Variants in CNTN5 observed in about 807,000 individuals in gnomAD.
CNTN5 encodes contactin-5.
A neutral mutation model predicts 129.1 loss-of-function variants in CNTN5; 77 were observed. The ratio of observed to expected loss-of-function variants is 0.60; its 90% CI spans 0.50 to 0.72. The LOEUF (loss-of-function observed/expected upper bound fraction) is 0.72. Among genes scored for constraint, CNTN5 ranks in the 30% least tolerant of loss-of-function variants. CNTN5 has a pLI of 0.00. For synonymous variants in CNTN5, 509 were observed against 465.6 expected, an observed-to-expected ratio of 1.09 and a Z score of -1.20; for missense variants, 1,478 against 1,328.8, an observed-to-expected ratio of 1.11 and a Z score of -1.75.
In CNTN5 at chr11:99,889,061, TC is replaced by T. The variant is rs760314744; in HGVS notation, c.578-26991del. ...TCATCATAATCATGATTAACTGACATCCGTAGAATTTTACAAGTATAGAGAG... is the reference window on the plus strand; with the variant it reads ...TCATCATAATCATGATTAACTGACATCGTAGAATTTTACAAGTATAGAGAG... On this transcript the variant is annotated intron_variant, in intron 6 of 24. Transcript: ENST00000524871. Among the ~76,000 whole-genome samples the T allele has an allele frequency of 2.6e-5, 4 of 152,210 alleles. No homozygotes were observed. The East Asian group carries it at 5.8e-4, about 22-fold the overall frequency.
At chr11:100,295,905 G>C (rs1049206351) in intron 18 of CNTN5, among the ~76,000 whole-genome samples, 14 of 151,262 alleles carry the variant, frequency 9.3e-5, no homozygotes, top group African/African-American at 3.4e-4. Flanking sequence ...TAAATGTGAG[G>C]AGTGTATGTG....
chr11:100,138,339 G>A (rs953476636), intron 13 of CNTN5, among the ~76,000 whole-genome samples: 13 of 152,000 alleles, frequency 8.6e-5, no homozygotes, highest in East Asian at 1.9e-4. Context: ...TGTACTAGGC[G>A]CTTTTCTAGG....
chr11:99,979,613 C>T (rs370391650), intron 8 of CNTN5, among the ~76,000 whole-genome samples: 2 of 152,058 alleles, frequency 1.3e-5, no homozygotes, highest in East Asian at 3.9e-4. Context: ...GATCCTTGCT[C>T]CTATGTCCTA....
At chr11:99,983,902 A>C (rs1442109406) in intron 8 of CNTN5, among the ~76,000 whole-genome samples, 2 of 152,134 alleles carry the variant, frequency 1.3e-5, no homozygotes, top group East Asian at 1.9e-4. Flanking sequence ...TTTGATGATG[A>C]TGGTTTTGAC....
intron 2 of CNTN5, among the ~76,000 whole-genome samples, chr11:99,486,033 T>G (rs1945798643): frequency 6.6e-6 from 1 of 152,058 alleles, no homozygotes; most frequent in African/African-American, 2.4e-5. Context: ...AATTCTACAA[T>G]TTTTGCCTAT....
At chr11:99,127,022 GA>G (rs1858669789) in intron 1 of CNTN5, among the ~76,000 whole-genome samples, 1 of 152,050 alleles carries the variant, frequency 6.6e-6, no homozygotes, top group Non-Finnish European at 1.5e-5. Flanking sequence ...TCTATGTATT[GA>G]TGACTTTTTC....
chr11:99,227,854 C>T (rs1591384953), intron 1 of CNTN5, among the ~76,000 whole-genome samples: 1 of 151,976 alleles, frequency 6.6e-6, no homozygotes, highest in Admixed American at 6.6e-5. Flanking sequence ...TTTTATTTAG[C>T]TTATAGATTT....
At position 99,504,139 on chromosome 11, in the gene CNTN5, C is replaced by T. The variant is rs78575853; in HGVS notation, c.-70-52006C>T. On this transcript the variant is annotated intron_variant, in intron 2 of 24. Coordinates refer to ENST00000524871, the MANE Select transcript of CNTN5 (RefSeq NM_014361.4). ...TTTAAGGTAATTTTAATATGATCAA[C>T]AAACTGACTTTTTTTAGAAAAGGTA... Among the ~76,000 whole-genome samples, 955 of 152,232 alleles carry T rather than the reference C, an allele frequency of 6.3e-3. 8 individuals are homozygous for T. Among genetic ancestry groups the T allele is most frequent in the African/African-American group, 0.022 (900 of 41,536 alleles).
In CNTN5 at chr11:99,980,930, A is replaced by G. The variant is rs556593225; in HGVS notation, c.878-21104A>G. On this transcript the variant is annotated intron_variant, in intron 8 of 24. Coordinates refer to ENST00000524871, the MANE Select transcript of CNTN5 (RefSeq NM_014361.4). ...AAAATACCTTTAATGATTGAAGTAT[A>G]AACAGAAAAGCAATATATTAAAGGG... 1.4e-4 allele frequency among the ~76,000 whole-genome samples: 21 copies of G among 151,532 alleles called. No individual in the cohort carries two copies. In the East Asian group the frequency reaches 3.7e-3, roughly 27 times the overall value.
chr11:99,556,880 G>C (rs1330347965), intron 3 of CNTN5, among the ~76,000 whole-genome samples: 5 of 150,862 alleles, frequency 3.3e-5, no homozygotes, highest in African/African-American at 7.3e-5. Flanking sequence ...TTATTCCGAA[G>C]AAAAGTTTAT....
At chr11:99,422,531 TA>T (rs1942944724) in intron 2 of CNTN5, among the ~76,000 whole-genome samples, 1 of 51,962 alleles carries the variant, frequency 1.9e-5, no homozygotes, top group African/African-American at 7.6e-5. Context: ...TATATATATA[TA>T]TATATATATA....
chr11:99,328,943 G>T (rs1239869450), intron 2 of CNTN5, among the ~76,000 whole-genome samples: 2 of 151,604 alleles, frequency 1.3e-5, no homozygotes, highest in Admixed American at 1.3e-4. Flanking sequence ...TAAATAGAAT[G>T]GCTTAAGTAA....
At chr11:99,538,010 T>C (rs10750320) in intron 2 of CNTN5, among the ~76,000 whole-genome samples, 37,771 of 152,116 alleles carry the variant, frequency 0.25, 5,173 homozygotes, top group Non-Finnish European at 0.31. Flanking sequence ...AGTCCTCTAA[T>C]TGGTGGCTGC....
intron 8 of CNTN5, among the ~76,000 whole-genome samples, chr11:99,990,422 A>G (rs11222242): frequency 0.058 from 8,513 of 146,426 alleles, 279 homozygotes; most frequent in Non-Finnish European, 0.077. Flanking sequence ...GAATAAATTT[A>G]TTGGCTTCCC....
chr11:99,703,140 G>A (rs2510970), intron 3 of CNTN5, among the ~76,000 whole-genome samples: 25,768 of 148,988 alleles, frequency 0.17, 2,753 homozygotes, highest in Middle Eastern at 0.32. Context: ...TAATGATTGC[G>A]TATTTATAAT....
intron 1 of CNTN5, among the ~76,000 whole-genome samples, chr11:99,092,455 T>C (rs745802402): frequency 3.3e-5 from 5 of 152,068 alleles, no homozygotes; most frequent in Non-Finnish European, 7.4e-5. Context: ...ACATGTTACA[T>C]TATTTTTGCA....
chr11:100,030,169 G>A (rs570510878), intron 9 of CNTN5, among the ~76,000 whole-genome samples: 33 of 151,686 alleles, frequency 2.2e-4, no homozygotes, highest in Non-Finnish European at 3.1e-4. Flanking sequence ...GAGGCCTGGC[G>A]TTCAAGACCA....
chr11:99,710,237 A>C (rs1281960889), intron 3 of CNTN5, among the ~76,000 whole-genome samples: 1 of 151,800 alleles, frequency 6.6e-6, no homozygotes, highest in East Asian at 1.9e-4. Flanking sequence ...ACTGCCCAGC[A>C]TCTTTACCCT....
intron 4 of CNTN5, among the ~76,000 whole-genome samples, chr11:99,834,603 G>A (rs943080245): frequency 1.2e-4 from 19 of 152,210 alleles, no homozygotes; most frequent in South Asian, 2.1e-4. Flanking sequence ...AGAATTACCC[G>A]TAGGTAGTTA....
Sources: allele counts gnomAD v4.1 joint callset (sites outside exome capture counted in the v4.1 genomes callset), GRCh38; gene constraint gnomAD v4.1.1; transcripts MANE v1.5; gene names NCBI Gene and HGNC (gene_info 2026-07-23, HGNC 2026-07-21).